DLC1: variants seen among roughly 807,000 people sequenced by gnomAD.
DLC1 encodes the protein rho GTPase-activating protein 7.
In DLC1, 54 loss-of-function variants were observed where a neutral mutation model predicts 140.3. The observed-to-expected ratio is 0.38, with a 90% confidence interval of 0.31 to 0.48. The LOEUF is 0.48. Among genes scored for constraint, DLC1 ranks in the 20% least tolerant of loss-of-function variants. DLC1 has a pLI of 0.96. For missense variants in DLC1, 2,536 were observed against 1,907.0 expected, an observed-to-expected ratio of 1.33 and a Z score of -6.14; for synonymous variants, 986 against 728.1, an observed-to-expected ratio of 1.35 and a Z score of -5.70.
At chr8:13,163,311 G>A (rs1824861063) in intron 5 of DLC1, among the ~76,000 whole-genome samples, 1 of 152,138 alleles carries the variant, frequency 6.6e-6, no homozygotes, top group African/African-American at 2.4e-5. Flanking sequence ...TGCATGCTCA[G>A]CTGATCAAAG....
intron 4 of DLC1, among the ~76,000 whole-genome samples, chr8:13,310,384 C>T (rs762324975): frequency 8.5e-5 from 13 of 152,138 alleles, no homozygotes; most frequent in Non-Finnish European, 1.3e-4. Flanking sequence ...AAAACATTCA[C>T]TTTTCTTCCC....
At chr8:13,100,945 T>G (rs928547125) in intron 8 of DLC1, 175 bp from the exon 9 acceptor site, 3 of 673,038 alleles carry the variant, frequency 4.5e-6, no homozygotes, top group Non-Finnish European at 6.7e-6. Context: ...CTCACTCTGT[T>G]GTACAGGCTG....
In DLC1 at chr8:13,214,675, A is replaced by C. The variant is rs570816825; in HGVS notation, c.1348+90594T>G. 7.6e-5 allele frequency: 59 copies of C among 780,716 alleles called. No individual in the cohort carries two copies. The South Asian group carries it at 7.9e-4, about 10-fold the overall frequency. 48.4% of individuals were successfully genotyped at this position (780,716 alleles called of 1,614,324 possible). ...AACATGGAAAAGCCTCTTCTGGGGA[A>C]AGGTGTAAGGAGACAAACCAATTGC... is the stretch of plus-strand genomic sequence containing the variant. On this transcript the variant is annotated intron_variant, in intron 5 of 17. Coordinates refer to ENST00000276297, the MANE Select transcript of DLC1 (RefSeq NM_182643.3).
At chr8:13,581,334 A>G (rs1439196887) in intron 1 of DLC1, among the ~76,000 whole-genome samples, 2 of 152,216 alleles carry the variant, frequency 1.3e-5, no homozygotes, top group African/African-American at 2.4e-5. Flanking sequence ...CTAAATAGGT[A>G]CCTTAAAGTT....
chr8:13,162,190 G>C (rs1429879431), intron 5 of DLC1, among the ~76,000 whole-genome samples: 3 of 152,170 alleles, frequency 2.0e-5, no homozygotes, highest in Non-Finnish European at 4.4e-5. Context: ...CATAAGAGGA[G>C]ATCAGGAAAA....
upstream of DLC1, among the ~76,000 whole-genome samples, chr8:13,517,729 A>G (rs568849977): frequency 6.6e-6 from 1 of 152,350 alleles, no homozygotes; most frequent in East Asian, 1.9e-4. Context: ...ATAAGGGGAC[A>G]GGGACAGTTA....
At chr8:13,140,266 TC>T (rs552832599) in intron 5 of DLC1, among the ~76,000 whole-genome samples, 24 of 152,328 alleles carry the variant, frequency 1.6e-4, no homozygotes, top group Non-Finnish European at 3.4e-4. Context: ...ACGATCTTGC[TC>T]TGTTACCCAG....
In DLC1 at chr8:13,099,571, C is replaced by A. The variant is rs764565080; in HGVS notation, c.2766G>T (p.Gln922His). ...CCTCATCAGAAAACTTCTCCGACCACTGATTGACTATCCGCTGCATCCCCT... is the reference window on the plus strand; with the variant it reads ...CCTCATCAGAAAACTTCTCCGACCAATGATTGACTATCCGCTGCATCCCCT... ...HVKGMQRIVN[Q>H]WSEKFSDEGD... The change falls in exon 9 of 18, where the codon CAG becomes CAT. Residue 922 changes from glutamine to histidine, a missense_variant. Coordinates refer to ENST00000276297, the MANE Select transcript of DLC1 (RefSeq NM_182643.3). 1 of 1,614,202 alleles carries A rather than the reference C, an allele frequency of 6.2e-7. No individual in the cohort carries two copies. Among genetic ancestry groups the A allele is most frequent in the Admixed American group, 1.7e-5 (1 of 60,024 alleles).
chr8:13,376,202 A>G (rs1835977140), intron 4 of DLC1, among the ~76,000 whole-genome samples: 1 of 152,226 alleles, frequency 6.6e-6, no homozygotes, highest in Non-Finnish European at 1.5e-5. Context: ...TCTTCCAGAG[A>G]AAATGGAAAA....
chr8:13,235,339 A>C (rs760107419), intron 5 of DLC1, among the ~76,000 whole-genome samples: 1 of 152,068 alleles, frequency 6.6e-6, no homozygotes, highest in African/African-American at 2.4e-5. Context: ...GCTGTGTTTA[A>C]AGCTGGTACC....
At chr8:13,355,081 A>T (rs189412931) in intron 4 of DLC1, among the ~76,000 whole-genome samples, 7 of 151,448 alleles carry the variant, frequency 4.6e-5, no homozygotes, top group Admixed American at 1.3e-4. Context: ...TCAATTAAAA[A>T]ATACATCATT....
intron 1 of DLC1, among the ~76,000 whole-genome samples, chr8:13,588,755 C>T (rs1234323508): frequency 6.6e-6 from 1 of 152,012 alleles, no homozygotes; most frequent in Non-Finnish European, 1.5e-5. Flanking sequence ...AAGATATAGG[C>T]TTGGGATGCA....
chr8:13,143,043 C>CAAA (rs552138951), intron 5 of DLC1, among the ~76,000 whole-genome samples: 1 of 121,424 alleles, frequency 8.2e-6, no homozygotes. Flanking sequence ...AACTCCGTCT[C>CAAA]AAAAAAAAAA....
chr8:13,216,850 G>A (rs959491979), intron 5 of DLC1, among the ~76,000 whole-genome samples: 2 of 152,086 alleles, frequency 1.3e-5, no homozygotes, highest in African/African-American at 4.8e-5. Flanking sequence ...TGTTCCATGG[G>A]AAACCAAACC....
chr8:13,586,629 G>A (rs1210671394), intron 1 of DLC1, among the ~76,000 whole-genome samples: 1 of 102,672 alleles, frequency 9.7e-6, no homozygotes, highest in Non-Finnish European at 2.3e-5. Flanking sequence ...ACACACACCT[G>A]CATGTAAAAT....
intron 1 of DLC1, among the ~76,000 whole-genome samples, chr8:13,575,152 C>T (rs1804793322): frequency 6.6e-6 from 1 of 152,248 alleles, no homozygotes; most frequent in Non-Finnish European, 1.5e-5. Flanking sequence ...AAATTGCAAA[C>T]TTACATCAAA....
At chr8:13,152,824 G>GGAAAAAAAAA (rs1554451778) in intron 5 of DLC1, among the ~76,000 whole-genome samples, 16 of 91,346 alleles carry the variant, frequency 1.8e-4, no homozygotes, top group African/African-American at 5.1e-4. Flanking sequence ...CTCTGGGGAA[G>GGAAAAAAAAA]AAAAAAAAAA....
chr8:13,310,632 C>A (rs1832634229), intron 4 of DLC1, among the ~76,000 whole-genome samples: 1 of 152,204 alleles, frequency 6.6e-6, no homozygotes, highest in Non-Finnish European at 1.5e-5. Context: ...AGTTTGTTTT[C>A]ATCTCTTCTT....
intron 5 of DLC1, among the ~76,000 whole-genome samples, chr8:13,182,535 A>C (rs575589777): frequency 1.3e-5 from 2 of 152,212 alleles, no homozygotes; most frequent in Non-Finnish European, 2.9e-5. Flanking sequence ...AGCTTTCTAC[A>C]TATGGCTAGC....
Sources: gnomAD v4.1 joint callset for allele counts (sites outside exome capture counted in the v4.1 genomes callset) on GRCh38, gnomAD v4.1.1 for gene constraint, MANE v1.5 for transcripts, NCBI Gene and HGNC (gene_info 2026-07-23, HGNC 2026-07-21) for gene names.